PECR: variants seen among roughly 807,000 people sequenced by gnomAD.
PECR encodes the protein peroxisomal trans-2-enoyl-CoA reductase, also known as 2,4-dienoyl-CoA reductase-related protein.
A neutral mutation model predicts 35.3 loss-of-function variants in PECR; 30 were observed. The observed-to-expected ratio is 0.85, with a 90% CI of 0.64 to 1.15. The LOEUF is 1.15. Among genes scored for constraint, PECR ranks in the 50% most tolerant of loss-of-function variants. The probability of loss-of-function intolerance (pLI) is 0.00; values close to 1 mark genes in which losing one functional copy is unlikely to be tolerated. For missense variants in PECR, 392 were observed against 370.8 expected (o/e 1.06, Z -0.47); for synonymous variants, 148 against 138.9 (o/e 1.07, Z -0.46).
intron 4 of PECR, among the ~76,000 whole-genome samples, chr2:216,055,632 C>G (rs1381202868): frequency 6.6e-6 from 1 of 151,966 alleles, no homozygotes; most frequent in Non-Finnish European, 1.5e-5. Flanking sequence ...TCCTTCTCAA[C>G]CATTAAGAGT....
chr2:216,033,810 ACGG>A (rs1323966567), downstream of PECR: 7 of 152,342 alleles, frequency 4.6e-5, no homozygotes, highest in Non-Finnish European at 1.0e-4. Flanking sequence ...AGACTGAGCC[ACGG>A]CTGCTTGAAA....
chr2:216,081,628 G>A lies in PECR; in HGVS notation c.114C>T (p.Leu38=), dbSNP rs147111968. The change falls in exon 1 of 8, where the codon CTC becomes CTT. Residue 38 remains leucine (L), a synonymous_variant. Transcript: ENST00000265322. ...GGCCCGCTCACGTACCCAGCTCCAG[G>A]AGCTCCTTCACGATGGCTTTTCCGA... ...TGIGKAIVKE[L]LELGSNVVIA... 1.5e-4 allele frequency: 241 copies of A among 1,613,712 alleles called. No individual in the cohort carries two copies. In the African/African-American group the frequency reaches 2.9e-3, roughly 20 times the overall value.
In PECR at chr2:216,030,012, G is replaced by A. The variant is rs533793208; in HGVS notation, c.*440+9179C>T. Among the ~76,000 whole-genome samples the A allele has an allele frequency of 2.0e-5, 3 of 152,286 alleles. No homozygotes were observed. In the South Asian group the frequency reaches 6.2e-4, roughly 32 times the overall value. ...TCATGGTGGACCAGTCTCCCACTGT[G>A]AGCCCCATCTTTGTGTTCACATTCA... On this transcript the variant is annotated intron_variant and NMD_transcript_variant, in intron 7 of 7. Transcript: ENST00000442122.
intron 1 of PECR, among the ~76,000 whole-genome samples, chr2:216,067,853 T>C (rs1461852594): frequency 2.0e-5 from 3 of 152,066 alleles, no homozygotes; most frequent in Non-Finnish European, 2.9e-5. Flanking sequence ...ATTCAGTATA[T>C]GGCATCCAAC....
chr2:216,071,278 T>G (rs1242295409), intron 1 of PECR, among the ~76,000 whole-genome samples: 1 of 152,246 alleles, frequency 6.6e-6, no homozygotes, highest in African/African-American at 2.4e-5. Context: ...CCAGGAGGCA[T>G]GCCGTTGCCA....
chr2:216,051,295 A>G, intron 5 of PECR, 154 bp downstream of exon 5: 3 of 621,166 alleles, frequency 4.8e-6, no homozygotes, highest in Non-Finnish European at 8.5e-6. Flanking sequence ...AAAAAAAAAA[A>G]AAAAAAAAGA....
At chr2:216,043,284 A>AT (rs370395973) in intron 7 of PECR, among the ~76,000 whole-genome samples, 6,231 of 151,268 alleles carry the variant, frequency 0.041, 135 homozygotes, top group African/African-American at 0.052. Context: ...ATTTTTTTGT[A>AT]TTTTTAGTAG....
chr2:216,031,745 T>C (rs761934420), intron 7 of PECR, among the ~76,000 whole-genome samples: 1 of 147,918 alleles, frequency 6.8e-6, no homozygotes, highest in Non-Finnish European at 1.5e-5. Context: ...AAAGCATCCA[T>C]TTACCCCAAT....
intron 7 of PECR, chr2:216,032,650 A>G (rs764925224): frequency 2.0e-5 from 3 of 152,192 alleles, no homozygotes; most frequent in Non-Finnish European, 4.4e-5. Flanking sequence ...ACCACCATAA[A>G]CTACAGGAGG....
chr2:216,037,946 G>A (rs534312606), downstream of PECR, among the ~76,000 whole-genome samples: 9 of 152,194 alleles, frequency 5.9e-5, no homozygotes, highest in East Asian at 5.8e-4. Context: ...TTGGCCGGGC[G>A]TGGTGGTGCA....
chr2:216,061,447 A>G lies in PECR; in HGVS notation c.425-2471T>C, dbSNP rs12987387. Among the ~76,000 whole-genome samples the G allele has an allele frequency of 2.0e-5, 3 of 151,942 alleles. No individual in the cohort carries two copies. In the South Asian group the frequency reaches 6.2e-4, roughly 31 times the overall value. ...TTATAGTTTACAAATAGAAAAATGT[A>G]TCTTTACAACAGAAAGGTTTGGTGG... On this transcript the variant is annotated intron_variant, in intron 3 of 7. Coordinates refer to ENST00000265322, the MANE Select transcript of PECR (RefSeq NM_018441.6).
In PECR at chr2:216,069,830, G is replaced by A. The variant is rs142962622; in HGVS notation, c.125-3312C>T. ...GGGCGCCTGTAATCCCAGCTACTCCGGAGGCTGAGGCAGGAAAATTGCTTG... is the reference window on the plus strand; with the variant it reads ...GGGCGCCTGTAATCCCAGCTACTCCAGAGGCTGAGGCAGGAAAATTGCTTG... On this transcript the variant is annotated intron_variant, in intron 1 of 7. Coordinates refer to ENST00000265322, the MANE Select transcript of PECR (RefSeq NM_018441.6). Among the ~76,000 whole-genome samples, 538 of 151,918 alleles carry A rather than the reference G, an allele frequency of 3.5e-3. 3 individuals carry two copies. Among genetic ancestry groups the A allele is most frequent in the Middle Eastern group, 0.01 (3 of 294 alleles).
Position 216,043,541 on chromosome 2 carries a change from C to T in PECR, c.826+363G>A, listed in dbSNP as rs1694936269. On this transcript the variant is annotated intron_variant, in intron 7 of 7. Transcript: ENST00000265322. ...CCACCTAGCAGGCCTGATTCTTCTGCTCAGATATGTAAGCCATTTACTGGA... is the reference window on the plus strand; with the variant it reads ...CCACCTAGCAGGCCTGATTCTTCTGTTCAGATATGTAAGCCATTTACTGGA... Among the ~76,000 whole-genome samples the T allele has an allele frequency of 2.6e-5, 4 of 152,232 alleles. No individual in the cohort carries two copies. In the South Asian group the frequency reaches 8.3e-4, roughly 32 times the overall value.
chr2:216,046,101 C>CAA (rs766629600), intron 6 of PECR, among the ~76,000 whole-genome samples: 4 of 98,762 alleles, frequency 4.1e-5, no homozygotes, highest in African/African-American at 1.2e-4. Flanking sequence ...TCGCTTGAAC[C>CAA]AAAAAAAAAA....
At chr2:216,055,532 C>T (rs1695209689) in intron 4 of PECR, among the ~76,000 whole-genome samples, 1 of 140,534 alleles carries the variant, frequency 7.1e-6, no homozygotes, top group Non-Finnish European at 1.6e-5. Flanking sequence ...CAAAAAAGGA[C>T]AACTAGATAA....
rs536332659 is a variant in PECR at position 216,072,202 on chromosome 2, A to C, written c.125-5684T>G. On this transcript the variant is annotated intron_variant, in intron 1 of 7. Coordinates refer to ENST00000265322, the MANE Select transcript of PECR (RefSeq NM_018441.6). Reference sequence around the variant, plus strand: ...GTTAATTTAACAGTCTGCTCCACTCACTGTCATCCCCTGGGAGGTAGGGAC... The same window carrying C: ...GTTAATTTAACAGTCTGCTCCACTCCCTGTCATCCCCTGGGAGGTAGGGAC... Among the ~76,000 whole-genome samples the C allele has an allele frequency of 9.2e-5, 14 of 152,272 alleles. No homozygotes were observed. In the South Asian group the frequency reaches 2.9e-3, roughly 32 times the overall value.
rs145385771 is a variant in PECR, at chr2:216,044,712, A to T, written c.715-697T>A. Among the ~76,000 whole-genome samples the T allele has an allele frequency of 4.5e-3, 689 of 152,188 alleles. 7 individuals carry two copies. The highest frequency in any genetic ancestry group is 0.016 in the African/African-American group (660 of 41,506). On this transcript the variant is annotated intron_variant, in intron 6 of 7. Coordinates refer to ENST00000265322, the MANE Select transcript of PECR (RefSeq NM_018441.6). ...CTCCATTTCAAAAAAATAAAAATAA[A>T]AATAAACCAAAGGCACTTCAGACTC...
intron 1 of PECR, among the ~76,000 whole-genome samples, chr2:216,080,685 T>C (rs1407677952): frequency 6.6e-6 from 1 of 152,250 alleles, no homozygotes; most frequent in African/African-American, 2.4e-5. Context: ...CAAAATTTTG[T>C]TAGAAAAGTT....
chr2:216,032,302 G>C (rs1453578224), intron 7 of PECR, among the ~76,000 whole-genome samples: 1 of 152,282 alleles, frequency 6.6e-6, no homozygotes, highest in East Asian at 1.9e-4. Flanking sequence ...AGAGAAACAA[G>C]GAATATTGTT....
Sources: allele counts gnomAD v4.1 joint callset (sites outside exome capture counted in the v4.1 genomes callset), GRCh38; gene constraint gnomAD v4.1.1; transcripts MANE v1.5; gene names NCBI Gene and HGNC (gene_info 2026-07-23, HGNC 2026-07-21).